The following DNAH11 variants were observed in gnomAD, a reference collection of about 807,000 sequenced individuals.
DNAH11 encodes axonemal beta dynein heavy chain 11.
Under a neutral mutation model 526.0 loss-of-function variants are expected in DNAH11, and 442 were observed. That is an observed-to-expected ratio of 0.84 (90% CI 0.78 to 0.91). DNAH11 has a LOEUF of 0.91. Ranked by LOEUF, DNAH11 falls within the 40% of genes least tolerant of loss-of-function variation. The pLI is 0.00. For synonymous variants in DNAH11, 2,461 were observed against 1,935.9 expected, an observed-to-expected ratio of 1.27 and a Z score of -7.12; for missense variants, 6,989 against 5,448.7, an observed-to-expected ratio of 1.28 and a Z score of -8.90.
Position 21,659,549 on chromosome 7 carries a change from A to G in DNAH11, c.5328+518A>G, listed in dbSNP as rs139966969. ...CATCTTAATATGTGCTGTGAGCTAT[A>G]TAACAGTTCAGAGATGTAGTCTTTC... On this transcript the variant is annotated intron_variant, in intron 30 of 81. Transcript: ENST00000409508. 5.9e-5 allele frequency among the ~76,000 whole-genome samples: 9 copies of G among 152,196 alleles called. No homozygotes were observed. In the East Asian group the frequency reaches 1.5e-3, roughly 26 times the overall value.
chr7:21,589,428 A>T (rs752220896), intron 12 of DNAH11, 25 bp downstream of exon 12: 1 of 1,549,654 alleles, frequency 6.5e-7, no homozygotes, highest in South Asian at 1.2e-5. Context: ...TTTTAAGATG[A>T]TTTATAAGTG....
intron 35 of DNAH11, among the ~76,000 whole-genome samples, chr7:21,695,554 G>C (rs1003200993): frequency 6.6e-6 from 1 of 151,898 alleles, no homozygotes; most frequent in Non-Finnish European, 1.5e-5. Context: ...CAGAAAAAAA[G>C]CTGGACTCCT....
chr7:21,858,593 TGAAAA>T (rs1250976651), intron 68 of DNAH11, among the ~76,000 whole-genome samples: 2 of 152,186 alleles, frequency 1.3e-5, no homozygotes, highest in African/African-American at 2.4e-5. Context: ...ACGATTATGT[TGAAAA>T]GAAGCAGCCA....
At chr7:21,632,392 G>A (rs1306530852) in intron 25 of DNAH11, among the ~76,000 whole-genome samples, 1 of 152,072 alleles carries the variant, frequency 6.6e-6, no homozygotes, top group Non-Finnish European at 1.5e-5. Flanking sequence ...CAGAATATGG[G>A]ATTTTCTTTC....
At chr7:21,640,617 C>G (rs1247326890) in intron 28 of DNAH11, among the ~76,000 whole-genome samples, 2 of 152,046 alleles carry the variant, frequency 1.3e-5, no homozygotes, top group Non-Finnish European at 2.9e-5. Context: ...TATCTTTCTG[C>G]AATGACTAAT....
intron 39 of DNAH11, among the ~76,000 whole-genome samples, chr7:21,705,757 C>T (rs1322646913): frequency 1.3e-5 from 2 of 152,124 alleles, no homozygotes; most frequent in Non-Finnish European, 2.9e-5. Context: ...TAGAGGATTG[C>T]ATTCACATAG....
At chr7:21,811,384 A>C (rs563187094) in intron 63 of DNAH11, among the ~76,000 whole-genome samples, 1 of 151,734 alleles carries the variant, frequency 6.6e-6, no homozygotes, top group East Asian at 1.9e-4. Context: ...TAAACCCAGG[A>C]GGCGGAAGTT....
intron 8 of DNAH11, among the ~76,000 whole-genome samples, chr7:21,580,897 C>T (rs996254703): frequency 2.0e-5 from 3 of 152,212 alleles, no homozygotes; most frequent in African/African-American, 7.2e-5. Context: ...GGTTGCCTGG[C>T]TTTAAATTCC....
intron 28 of DNAH11, among the ~76,000 whole-genome samples, chr7:21,646,322 C>T (rs1787355537): frequency 6.6e-6 from 1 of 152,144 alleles, no homozygotes; most frequent in African/African-American, 2.4e-5. Context: ...TGAAAAACAG[C>T]AGCTTTCTAG....
chr7:21,857,166 A>G (rs150280673), intron 68 of DNAH11, among the ~76,000 whole-genome samples: 76 of 152,328 alleles, frequency 5.0e-4, no homozygotes, highest in Non-Finnish European at 9.1e-4. Flanking sequence ...TTGTATTTCT[A>G]TACATGAGAA....
At chr7:21,838,196 C>T (rs1782066384) in intron 65 of DNAH11, among the ~76,000 whole-genome samples, 1 of 152,178 alleles carries the variant, frequency 6.6e-6, no homozygotes, top group South Asian at 2.1e-4. Flanking sequence ...TCAAAAGAGG[C>T]AGGTTAATTT....
Position 21,588,612 on chromosome 7 carries a change from C to G in DNAH11, c.1949C>G (p.Ser650Ter), listed in dbSNP as rs755002843. 2.5e-6 allele frequency: 4 copies of G among 1,613,446 alleles called. No homozygotes were observed. The highest frequency in any genetic ancestry group is 3.4e-6 in the Non-Finnish European group (4 of 1,179,568). Reference protein sequence around the residue: ...QVLQRLQMFWSNFASLRYLFL... With the variant: ...QVLQRLQMFW The stretch of plus-strand genomic sequence containing the variant: ...CTCCAACGACTTCAAATGTTTTGGT[C>G]AAACTTCGCATCTCTCCGTTATCTG... Residue 650 changes from serine (S) to a stop codon, truncating the protein, a stop_gained, in exon 11 of 82, where the codon TCA becomes TGA. Coordinates refer to ENST00000409508, the MANE Select transcript of DNAH11 (RefSeq NM_001277115.2). LOFTEE classifies it high-confidence loss of function.
At chr7:21,595,762 G>GGCA (rs143826369) in intron 14 of DNAH11, among the ~76,000 whole-genome samples, 2,762 of 152,158 alleles carry the variant, frequency 0.018, 83 homozygotes, top group African/African-American at 0.063. Flanking sequence ...AGGAGTGGAT[G>GGCA]GCAATGATAT....
intron 65 of DNAH11, 79 bp downstream of exon 65, chr7:21,818,418 G>A (rs1296341287): frequency 1.3e-6 from 2 of 1,501,598 alleles, no homozygotes; most frequent in East Asian, 4.7e-5. Context: ...TCATAGTCAA[G>A]CAGTCTATTG....
intron 20 of DNAH11, among the ~76,000 whole-genome samples, chr7:21,609,584 A>G (rs2128450059): frequency 6.6e-6 from 1 of 152,320 alleles, no homozygotes; most frequent in South Asian, 2.1e-4. Flanking sequence ...AAAACGATTA[A>G]AAATAAATCA....
intron 65 of DNAH11, among the ~76,000 whole-genome samples, chr7:21,828,779 G>C (rs561627375): frequency 5.8e-5 from 7 of 119,908 alleles, no homozygotes; most frequent in Non-Finnish European, 1.1e-4. Flanking sequence ...TTTTTTTGCT[G>C]TACAATGTTA....
At position 21,674,857 on chromosome 7, in the gene DNAH11, GA is replaced by G. The variant is rs573452588; in HGVS notation, c.5329-6679del. 3.1e-3 allele frequency among the ~76,000 whole-genome samples: 450 copies of G among 146,922 alleles called. 2 individuals carry two copies. Among genetic ancestry groups the G allele is most frequent in the Middle Eastern group, 7.1e-3 (2 of 282 alleles). On this transcript the variant is annotated intron_variant, in intron 30 of 81. Transcript: ENST00000409508. ...TTGCCTCCCAACGTGCCCAACTGCAGAAAAAAAAAAGAACAAAAAACCAACA... is the reference window on the plus strand; with the variant it reads ...TTGCCTCCCAACGTGCCCAACTGCAGAAAAAAAAAGAACAAAAAACCAACA...
intron 8 of DNAH11, among the ~76,000 whole-genome samples, chr7:21,579,264 C>T (rs1784221029): frequency 1.3e-5 from 2 of 152,166 alleles, no homozygotes; most frequent in African/African-American, 4.8e-5. Context: ...ACAATACTAG[C>T]ACATCATTTA....
chr7:21,640,262 T>TA (rs1194968114), intron 28 of DNAH11, among the ~76,000 whole-genome samples: 1 of 152,278 alleles, frequency 6.6e-6, no homozygotes, highest in Non-Finnish European at 1.5e-5. Flanking sequence ...TGGATGCCTT[T>TA]AAAAAAACTA....
Sources: allele counts gnomAD v4.1 joint callset (sites outside exome capture counted in the v4.1 genomes callset), GRCh38; gene constraint gnomAD v4.1.1; transcripts MANE v1.5; gene names NCBI Gene and HGNC (gene_info 2026-07-23, HGNC 2026-07-21).